Variants in MBD6 observed in about 807,000 individuals in gnomAD.
MBD6 encodes methyl-CpG-binding domain protein 6.
MBD6 carries 22 observed loss-of-function variants against 66.8 expected under a neutral mutation model. The ratio of observed to expected loss-of-function variants is 0.33; its 90% CI spans 0.24 to 0.47. MBD6 has a LOEUF of 0.47. Ranked by LOEUF, MBD6 falls within the 20% of genes least tolerant of loss-of-function variation. The pLI, the probability that MBD6 is intolerant of heterozygous loss-of-function variation, is 1.00. For synonymous variants in MBD6, 540 were observed against 534.6 expected (o/e 1.01, Z -0.14); for missense variants, 1,322 against 1,286.9 (o/e 1.03, Z -0.42).
chr12:57,526,172 C>T lies in MBD6; in HGVS notation c.1204C>T (p.Pro402Ser). 6.2e-7 allele frequency: 1 copy of T among 1,614,166 alleles called. No homozygotes were observed. Among genetic ancestry groups the T allele is most frequent in the South Asian group, 1.1e-5 (1 of 91,084 alleles). ...PAPVPQPFSL[P>S]EPSQPILPSV... is the part of the protein sequence containing the mutation. ...TCCTGTCCCCCAACCCTTTTCTCTC[C>T]CGGAGCCATCCCAACCAATTCTCCC... Residue 402 changes from proline (P) to serine (S), a missense_variant, in exon 6 of 13, where the codon CCG (proline) becomes TCG (serine). By Grantham distance (74) the Pro-to-Ser change is moderately conservative. Coordinates refer to ENST00000355673, the MANE Select transcript of MBD6 (RefSeq NM_052897.4).
Position 57,526,271 on chromosome 12 carries a change from T to G in MBD6, c.1303T>G (p.Ser435Ala). The change falls in exon 6 of 13, where the codon TCA becomes GCA. Residue 435 changes from serine (S) to alanine (A), a missense_variant. Ser to Ala is a moderately conservative substitution (Grantham distance 99, BLOSUM62 1). Coordinates refer to ENST00000355673, the MANE Select transcript of MBD6 (RefSeq NM_052897.4). The part of the protein sequence containing the change: ...HSDGSFNLLG[S>A]DAHLPPPPTL... ...TGATGGAAGCTTTAACCTTTTGGGG[T>G]CAGATGCACACCTTCCTCCTCCCCC... 1 of 1,613,026 alleles carries G rather than the reference T, an allele frequency of 6.2e-7. No individual in the cohort carries two copies. The highest frequency in any genetic ancestry group is 8.5e-7 in the Non-Finnish European group (1 of 1,179,764).
In MBD6 at chr12:57,525,985, C is replaced by T. The variant is rs1157116571; in HGVS notation, c.1017C>T (p.Ser339=). The T allele has an allele frequency of 6.2e-7, 1 of 1,613,678 alleles. No individual in the cohort carries two copies. The highest frequency in any genetic ancestry group is 1.1e-5 in the South Asian group (1 of 91,068). The stretch of plus-strand genomic sequence containing the variant: ...AGCATCCCCCACTACCCCCTCCCAG[C>T]ACTTTACAGGGCCGAAGGCCCCGTG... ...KAQHPPLPPP[S]TLQGRRPRAQ... The change falls in exon 6 of 13, where the codon AGC becomes AGT. Residue 339 remains serine (S), a synonymous_variant. Coordinates refer to ENST00000355673, the MANE Select transcript of MBD6 (RefSeq NM_052897.4).
chr12:57,530,672 C>T, downstream of MBD6: 1 of 1,609,750 alleles, frequency 6.2e-7, no homozygotes, highest in Non-Finnish European at 8.5e-7. Context: ...CCCCTGTTCT[C>T]CAGCTCCCAA....
At position 57,524,979 on chromosome 12, in the gene MBD6, G is replaced by A. The variant is rs188660476; in HGVS notation, c.243G>A (p.Pro81=). 9.3e-4 allele frequency: 1,491 copies of A among 1,604,422 alleles called. 25 individuals are homozygous for A. The Admixed American group carries it at 0.024, about 26-fold the overall frequency. ...TTTTCAACTTTGACCCTTTGGCCCC[G>A]GTGACCCCGGGTGGGGCTGGGGTGG... ...PKVFNFDPLA[P]VTPGGAGVGP... is the part of the protein sequence containing the mutation. Residue 81 remains proline, a synonymous_variant, in exon 5 of 13, where the codon CCG becomes CCA. Coordinates refer to ENST00000355673, the MANE Select transcript of MBD6 (RefSeq NM_052897.4).
Position 57,529,510 on chromosome 12 carries a change from A to G in MBD6, c.*276A>G, listed in dbSNP as rs1483280319. ...ATGGCCCTTTCCCCACCAGGCGCTA[A>G]GGGGAACACCCCCTTCCCCAGGTCT... On this transcript the variant is annotated 3_prime_UTR_variant, in exon 13 of 13. Transcript: ENST00000355673. 1 of 371,556 alleles carries G rather than the reference A, an allele frequency of 2.7e-6. No homozygotes were observed. The highest frequency in any genetic ancestry group is 2.1e-5 in the African/African-American group (1 of 48,026). The allele number at this position is 371,556 out of a possible 1,614,324, so 23.0% of individuals were successfully genotyped here. A position where few individuals can be genotyped will look rare whatever the true frequency, so the allele number is the denominator to read the frequency against.
rs1237560749 is a variant in MBD6, at chr12:57,529,416, TCACCCCCCCC to T, written c.*187_*196del. 2.8e-4 allele frequency: 131 copies of T among 473,520 alleles called. 3 individuals are homozygous for T. The highest frequency in any genetic ancestry group is 2.5e-3 in the African/African-American group (108 of 42,484). 29.3% of individuals were successfully genotyped at this position (473,520 alleles called of 1,614,324 possible). A position where few individuals can be genotyped will look rare whatever the true frequency, so the allele number is the denominator to read the frequency against. ...GAGCCATTGCAGGGGGCAGGGAAGTTCACCCCCCCCCACCACCCCCCCGCCCCCCCGAAGC... is the reference window on the plus strand; with the variant it reads ...GAGCCATTGCAGGGGGCAGGGAAGTTCACCACCCCCCCGCCCCCCCGAAGC... On this transcript the variant is annotated 3_prime_UTR_variant, in exon 13 of 13. Transcript: ENST00000355673.
chr12:57,530,876 C>T, downstream of MBD6: 1 of 1,066,976 alleles, frequency 9.4e-7, no homozygotes. Flanking sequence ...GAAATGGAAG[C>T]ACAATTTGTG....
In MBD6 at chr12:57,526,327, C is replaced by G. The variant is rs770748001; in HGVS notation, c.1359C>G (p.Pro453=). Residue 453 remains proline, a synonymous_variant, in exon 6 of 13, where the codon CCC becomes CCG. Transcript: ENST00000355673. The stretch of plus-strand genomic sequence containing the variant: ...TCTCCTCAGGGAGCCCTCCCCAGCC[C>G]AGGCACCCCATCCAGCCCTCCCTGC... ...PTLSSGSPPQ[P]RHPIQPSLPG... The G allele has an allele frequency of 6.2e-7, 1 of 1,612,586 alleles. No individual in the cohort carries two copies. The highest frequency in any genetic ancestry group is 8.5e-7 in the Non-Finnish European group (1 of 1,179,150).
chr12:57,526,133 C>A lies in MBD6; in HGVS notation c.1165C>A (p.Pro389Thr). ...RGPQTPRRSR[P>T]RAPAPVPQPF... is the part of the protein sequence containing the mutation. ...CCCTCAAACCCCTAGACGGAGCCGT[C>A]CTCGGGCCCCTGCTCCTGTCCCCCA... Residue 389 changes from proline (P) to threonine (T), a missense_variant, in exon 6 of 13, where the codon CCT becomes ACT. Coordinates refer to ENST00000355673, the MANE Select transcript of MBD6 (RefSeq NM_052897.4). 1 of 1,614,154 alleles carries A rather than the reference C, an allele frequency of 6.2e-7. No individual in the cohort carries two copies. The highest frequency in any genetic ancestry group is 8.5e-7 in the Non-Finnish European group (1 of 1,180,028).
At chr12:57,525,314 C>T in intron 5 of MBD6, 34 bp from the exon 6 acceptor site, 1 of 1,540,738 alleles carries the variant, frequency 6.5e-7, no homozygotes, top group African/African-American at 1.4e-5. Context: ...GAAGGGGAGC[C>T]ACAGGCTGAC....
At position 57,528,168 on chromosome 12, in the gene MBD6, GC is replaced by G; in HGVS notation, c.2433del (p.Cys812ValfsTer23). 1.2e-6 allele frequency: 2 copies of G among 1,605,254 alleles called. No homozygotes were observed. Among genetic ancestry groups the G allele is most frequent in the Admixed American group, 1.8e-5 (1 of 56,936 alleles). On this transcript the variant is annotated frameshift_variant, in exon 10 of 13. Coordinates refer to ENST00000355673, the MANE Select transcript of MBD6 (RefSeq NM_052897.4). LOFTEE classifies it high-confidence loss of function. ...SLQIPPEQPEAPCLPPESPAS... is the reference protein window; with the variant it reads ...SLQIPPEQPEXPCLPPESPAS... ...GCAGATCCCTCCAGAGCAGCCAGAA[GC>G]CCCCTGTCTACCCCCCGAGAGCCCT...
chr12:57,530,775 C>T (rs764561977), downstream of MBD6: 2 of 1,613,088 alleles, frequency 1.2e-6, no homozygotes, highest in Non-Finnish European at 1.7e-6. Context: ...GTTGTCTGCA[C>T]CTACAAAGTG....
rs1878981519 is a variant in MBD6, at chr12:57,526,597, C to T, written c.1452C>T (p.Ala484=). The T allele has an allele frequency of 6.6e-7, 1 of 1,512,514 alleles. No individual in the cohort carries two copies. Among genetic ancestry groups the T allele is most frequent in the Non-Finnish European group, 8.8e-7 (1 of 1,131,744 alleles). The allele number at this position is 1,512,514 out of a possible 1,614,324, so 93.7% of individuals were successfully genotyped here. A position where few individuals can be genotyped will look rare whatever the true frequency, so the allele number is the denominator to read the frequency against. ...GAPAPPAASK[A]PVVPSPVLQS... Reference sequence around the variant, plus strand: ...CTGCCCCACCAGCTGCCTCCAAAGCCCCAGTAGTCCCCAGCCCTGTGCTTC... The same window carrying T: ...CTGCCCCACCAGCTGCCTCCAAAGCTCCAGTAGTCCCCAGCCCTGTGCTTC... The change falls in exon 7 of 13, where the codon GCC becomes GCT. Residue 484 remains alanine, a synonymous_variant. Transcript: ENST00000355673.
intron 4 of MBD6, 59 bp from the exon 5 acceptor site, chr12:57,524,894 T>C: frequency 6.2e-7 from 1 of 1,608,172 alleles, no homozygotes; most frequent in Non-Finnish European, 8.5e-7. Flanking sequence ...CTGACTGAGG[T>C]AGCCCTTCTC....
At position 57,524,988 on chromosome 12, in the gene MBD6, G is replaced by A. The variant is rs149288193; in HGVS notation, c.252G>A (p.Pro84=). Residue 84 remains proline, a synonymous_variant, in exon 5 of 13, where the codon CCG becomes CCA. Coordinates refer to ENST00000355673, the MANE Select transcript of MBD6 (RefSeq NM_052897.4). ...FNFDPLAPVT[P]GGAGVGPASE... The stretch of plus-strand genomic sequence containing the variant: ...TTGACCCTTTGGCCCCGGTGACCCC[G>A]GGTGGGGCTGGGGTGGGGCCAGCAT... 3.1e-6 allele frequency: 5 copies of A among 1,607,676 alleles called. No homozygotes were observed. The highest frequency in any genetic ancestry group is 1.7e-4 in the Middle Eastern group (1 of 6,044).
In MBD6 at chr12:57,527,773, C is replaced by G. The variant is rs1565668470; in HGVS notation, c.2237-75C>G. ...AAAGTCTTTGGCCACTGGATAAAGC[C>G]TAAAGAGAATAGTAGGTCTGCTCAG... On this transcript the variant is annotated intron_variant, in intron 8 of 12. Transcript: ENST00000355673. The G allele has an allele frequency of 3.2e-6, 5 of 1,574,910 alleles. No homozygotes were observed. The South Asian group carries it at 4.7e-5, about 15-fold the overall frequency.
upstream of MBD6, chr12:57,521,730 G>C (rs1038281456): frequency 2.6e-5 from 4 of 152,194 alleles, no homozygotes; most frequent in Non-Finnish European, 4.4e-5. Flanking sequence ...ACCCTCTCTT[G>C]CTGTACCAGA....
rs746802981 is a variant in MBD6, at chr12:57,529,218, G to A, written c.2996G>A (p.Arg999Lys). 1 of 1,614,118 alleles carries A rather than the reference G, an allele frequency of 6.2e-7. No individual in the cohort carries two copies. Among genetic ancestry groups the A allele is most frequent in the South Asian group, 1.1e-5 (1 of 91,080 alleles). Residue 999 changes from arginine (R) to lysine (K), a missense_variant, in exon 13 of 13, where the codon AGG becomes AAG. Coordinates refer to ENST00000355673, the MANE Select transcript of MBD6 (RefSeq NM_052897.4). The part of the protein sequence containing the change: ...RPGRPAKNKR[R>K]KLAP ...GGCCGTCCTGCCAAAAACAAGAGGA[G>A]GAAACTGGCCCCATAGCAGCCATAC...
rs757061772 is a variant in MBD6 at position 57,525,977 on chromosome 12, C to T, written c.1009C>T (p.Pro337Ser). The change falls in exon 6 of 13, where the codon CCT (proline) becomes TCT (serine). Residue 337 changes from proline (P) to serine (S), a missense_variant. Coordinates refer to ENST00000355673, the MANE Select transcript of MBD6 (RefSeq NM_052897.4). The part of the protein sequence containing the change: ...AAKAQHPPLP[P>S]PSTLQGRRPR... ...CAAGGCACAGCATCCCCCACTACCCCCTCCCAGCACTTTACAGGGCCGAAG... is the reference window on the plus strand; with the variant it reads ...CAAGGCACAGCATCCCCCACTACCCTCTCCCAGCACTTTACAGGGCCGAAG... 4 of 1,613,684 alleles carry T rather than the reference C, an allele frequency of 2.5e-6. No homozygotes were observed. The highest frequency in any genetic ancestry group is 1.7e-5 in the Admixed American group (1 of 60,000).
Sources: gnomAD v4.1 joint callset for allele counts on GRCh38, gnomAD v4.1.1 for gene constraint, MANE v1.5 for transcripts, NCBI Gene and HGNC (gene_info 2026-07-23, HGNC 2026-07-21) for gene names.